The following ALK variants were observed in gnomAD, a reference collection of about 807,000 sequenced individuals.
The protein encoded by ALK is ALK receptor tyrosine kinase.
Under a neutral mutation model 163.1 loss-of-function variants are expected in ALK, and 74 were observed. That is an observed-to-expected ratio of 0.45 (90% CI 0.38 to 0.55). The LOEUF (loss-of-function observed/expected upper bound fraction) is 0.55. Among genes scored for constraint, ALK ranks in the 20% least tolerant of loss-of-function variants. ALK has a pLI of 0.00. For missense variants in ALK, 2,063 were observed against 2,105.3 expected (o/e 0.98, Z 0.39); for synonymous variants, 960 against 843.2 (o/e 1.14, Z -2.40).
chr2:29,276,796 C>T (rs1251286294), intron 9 of ALK, among the ~76,000 whole-genome samples: 1 of 152,120 alleles, frequency 6.6e-6, no homozygotes, highest in Non-Finnish European at 1.5e-5. Context: ...ATCTGTGGGG[C>T]CAGAAAGCAG....
intron 1 of ALK, among the ~76,000 whole-genome samples, chr2:29,744,082 A>G (rs1680139683): frequency 6.6e-6 from 1 of 152,122 alleles, no homozygotes; most frequent in Non-Finnish European, 1.5e-5. Context: ...AAATCTTGCA[A>G]CTTTTCCTAT....
At chr2:29,705,838 T>A (rs941159012) in intron 2 of ALK, among the ~76,000 whole-genome samples, 7 of 152,202 alleles carry the variant, frequency 4.6e-5, no homozygotes, top group Non-Finnish European at 1.0e-4. Flanking sequence ...GCGTCATTGC[T>A]GTTACTCTTT....
At chr2:29,693,598 G>A (rs545276827) in intron 3 of ALK, among the ~76,000 whole-genome samples, 1 of 152,328 alleles carries the variant, frequency 6.6e-6, no homozygotes, top group Non-Finnish European at 1.5e-5. Context: ...TGATGACAAG[G>A]TAGAGGCTGA....
intron 1 of ALK, among the ~76,000 whole-genome samples, chr2:29,849,256 A>T (rs61523982): frequency 0.3 from 45,626 of 152,132 alleles, 7,413 homozygotes; most frequent in East Asian, 0.54. Context: ...GCAGTATTCA[A>T]GTGTCACAGT....
intron 3 of ALK, among the ~76,000 whole-genome samples, chr2:29,556,818 G>A (rs113720374): frequency 0.016 from 2,392 of 152,282 alleles, 66 homozygotes; most frequent in African/African-American, 0.053. Flanking sequence ...AGGGCCATGA[G>A]GTAGCCTCCA....
chr2:29,485,834 C>A (rs1372368015), intron 4 of ALK, among the ~76,000 whole-genome samples: 1 of 152,160 alleles, frequency 6.6e-6, no homozygotes, highest in Non-Finnish European at 1.5e-5. Context: ...AGGACTGCAA[C>A]TTGCGAAAAA....
At chr2:29,578,884 TG>T (rs1489679569) in intron 3 of ALK, among the ~76,000 whole-genome samples, 5 of 152,204 alleles carry the variant, frequency 3.3e-5, no homozygotes, top group African/African-American at 1.2e-4. Context: ...TCCCCACCCC[TG>T]GACCTGCCCT....
chr2:29,465,621 G>A (rs112209025), intron 4 of ALK, among the ~76,000 whole-genome samples: 1 of 152,038 alleles, frequency 6.6e-6, no homozygotes, highest in Non-Finnish European at 1.5e-5. Flanking sequence ...TTGAACCTGG[G>A]AGGTGGAGGT....
intron 11 of ALK, among the ~76,000 whole-genome samples, chr2:29,264,555 G>GT (rs111836110): frequency 0.064 from 9,736 of 152,258 alleles, 405 homozygotes; most frequent in Middle Eastern, 0.12. Context: ...TGTCTGTTTT[G>GT]TTCACTGCTT....
At position 29,797,736 on chromosome 2, in the gene ALK, C is replaced by T. The variant is rs547159997; in HGVS notation, c.668-80039G>A. Among the ~76,000 whole-genome samples the T allele has an allele frequency of 5.7e-4, 87 of 152,254 alleles. No individual in the cohort carries two copies. In the South Asian group the frequency reaches 8.1e-3, roughly 14 times the overall value. Reference sequence around the variant, plus strand: ...CTTAAATCAGGGACTCTTTCCTACTCATCTCCATATCCATGCACAAAGTAG... The same window carrying T: ...CTTAAATCAGGGACTCTTTCCTACTTATCTCCATATCCATGCACAAAGTAG... On this transcript the variant is annotated intron_variant, in intron 1 of 28. Coordinates refer to ENST00000389048, the MANE Select transcript of ALK (RefSeq NM_004304.5).
intron 1 of ALK, among the ~76,000 whole-genome samples, chr2:29,734,776 T>C (rs1414406551): frequency 1.3e-5 from 2 of 152,088 alleles, no homozygotes; most frequent in Admixed American, 1.3e-4. Flanking sequence ...TTTTCACTTA[T>C]TGAATTAGAA....
intron 23 of ALK, among the ~76,000 whole-genome samples, chr2:29,215,284 G>T (rs1272737810): frequency 6.6e-6 from 1 of 152,218 alleles, no homozygotes; most frequent in Non-Finnish European, 1.5e-5. Context: ...CTGGGTGCAG[G>T]CTTAGCCTGC....
chr2:29,577,705 T>A (rs1319973971), intron 3 of ALK, among the ~76,000 whole-genome samples: 1 of 152,198 alleles, frequency 6.6e-6, no homozygotes, highest in Admixed American at 6.5e-5. Flanking sequence ...CCTCACCACA[T>A]CTTTGTCTCC....
intron 3 of ALK, among the ~76,000 whole-genome samples, chr2:29,684,212 T>A (rs576413073): frequency 2.0e-5 from 3 of 152,248 alleles, no homozygotes; most frequent in African/African-American, 4.8e-5. Context: ...TATATAGAAA[T>A]CAGTGAGGCT....
chr2:29,494,083 T>C (rs1297405827), intron 4 of ALK, among the ~76,000 whole-genome samples: 1 of 152,196 alleles, frequency 6.6e-6, no homozygotes, highest in East Asian at 1.9e-4. Flanking sequence ...AGAAGCAGAA[T>C]CCACCAATGT....
intron 3 of ALK, among the ~76,000 whole-genome samples, chr2:29,655,974 C>A (rs79815340): frequency 1.3e-5 from 2 of 152,196 alleles, no homozygotes; most frequent in Admixed American, 1.3e-4. Flanking sequence ...TTTATATCCA[C>A]AAACATCTTT....
intron 5 of ALK, among the ~76,000 whole-genome samples, chr2:29,340,497 A>G (rs1667757645): frequency 6.6e-6 from 1 of 152,132 alleles, no homozygotes; most frequent in African/African-American, 2.4e-5. Context: ...TGCCCCCATG[A>G]CATCCACGGT....
chr2:29,331,543 T>C (rs1028334462), intron 5 of ALK, among the ~76,000 whole-genome samples: 1 of 152,206 alleles, frequency 6.6e-6, no homozygotes, highest in Non-Finnish European at 1.5e-5. Context: ...GCAGCTTTAA[T>C]TTTGGGCATC....
intron 3 of ALK, among the ~76,000 whole-genome samples, chr2:29,642,820 C>T (rs1272513867): frequency 1.3e-5 from 2 of 152,158 alleles, no homozygotes; most frequent in East Asian, 3.8e-4. Context: ...ATATTTACTT[C>T]TCTACTTGAA....
Sources: gnomAD v4.1 joint callset for allele counts (sites outside exome capture counted in the v4.1 genomes callset) on GRCh38, gnomAD v4.1.1 for gene constraint, MANE v1.5 for transcripts, NCBI Gene and HGNC (gene_info 2026-07-23, HGNC 2026-07-21) for gene names.